Variants in BICC1 observed in about 807,000 individuals in gnomAD.
BICC1 encodes the protein BicC family RNA binding protein 1.
BICC1 carries 43 observed loss-of-function variants against 111.0 expected under a neutral mutation model. The ratio of observed to expected loss-of-function variants is 0.39; its 90% CI spans 0.30 to 0.50. The LOEUF (loss-of-function observed/expected upper bound fraction) is 0.50, where lower values mean the gene tolerates loss of function less well. Among genes scored for constraint, BICC1 ranks in the 20% least tolerant of loss-of-function variants. BICC1 has a pLI of 0.88. For missense variants in BICC1, 1,091 were observed against 1,203.2 expected (o/e 0.91, Z 1.38); for synonymous variants, 467 against 434.4 (o/e 1.07, Z -0.93).
At chr10:58,522,228 G>A (rs955475226) in intron 1 of BICC1, among the ~76,000 whole-genome samples, 2 of 151,844 alleles carry the variant, frequency 1.3e-5, no homozygotes, top group Non-Finnish European at 2.9e-5. Flanking sequence ...CTCCCATTAA[G>A]TTAGGCATAA....
At chr10:58,592,495 G>A (rs969077480) in intron 1 of BICC1, among the ~76,000 whole-genome samples, 3 of 152,034 alleles carry the variant, frequency 2.0e-5, no homozygotes, top group Non-Finnish European at 2.9e-5. Flanking sequence ...GGCGGATCAC[G>A]AGGTCAGGAG....
At chr10:58,605,825 C>T (rs955449273) in intron 1 of BICC1, among the ~76,000 whole-genome samples, 29 of 152,174 alleles carry the variant, frequency 1.9e-4, no homozygotes, top group Non-Finnish European at 4.0e-4. Context: ...GAATGTGGAG[C>T]GCTGACTCTC....
intron 3 of BICC1, among the ~76,000 whole-genome samples, chr10:58,752,993 A>T (rs764778143): frequency 6.6e-6 from 1 of 152,112 alleles, no homozygotes; most frequent in Non-Finnish European, 1.5e-5. Context: ...ACAACTTTGT[A>T]GCTGCATCTG....
intron 3 of BICC1, among the ~76,000 whole-genome samples, chr10:58,776,394 A>G (rs1394112163): frequency 6.6e-6 from 1 of 152,250 alleles, no homozygotes; most frequent in Non-Finnish European, 1.5e-5. Context: ...GGGACCTGTC[A>G]TGCACACTGT....
rs748986819 is a variant in BICC1 at position 58,513,292 on chromosome 10, G to A, written c.149G>A (p.Arg50His). The A allele has an allele frequency of 4.3e-6, 7 of 1,611,014 alleles. No individual in the cohort carries two copies. The highest frequency in any genetic ancestry group is 2.2e-5 in the South Asian group (2 of 90,726). ...CACAGCCCGGAGTGGAGCGAGGAGC[G>A]CTTCCGCGTGGACAGGAAGAAACTT... ...TLHSPEWSEERFRVDRKKLEA... is the reference protein window; with the variant it reads ...TLHSPEWSEEHFRVDRKKLEA... Residue 50 changes from arginine to histidine, a missense_variant, in exon 1 of 21, where the codon CGC becomes CAC. Transcript: ENST00000373886.
chr10:58,601,142 ATATATATATAT>A lies in BICC1; in HGVS notation c.191-19712_191-19702del, dbSNP rs1564506772. 2.1e-4 allele frequency among the ~76,000 whole-genome samples: 25 copies of A among 119,520 alleles called. 2 individuals are homozygous for A. Among genetic ancestry groups the A allele is most frequent in the Non-Finnish European group, 3.3e-4 (18 of 54,254 alleles). 78.4% of individuals were successfully genotyped at this position (119,520 alleles called of 152,430 possible). ...TTTTTAGGCAGTCATTTTAAAACTT[ATATATATATAT>A]ATATATATATATATATATCTCCCAA... On this transcript the variant is annotated intron_variant, in intron 1 of 20. Coordinates refer to ENST00000373886, the MANE Select transcript of BICC1 (RefSeq NM_001080512.3).
chr10:58,716,411 A>T (rs765624369), intron 3 of BICC1, among the ~76,000 whole-genome samples: 2 of 152,172 alleles, frequency 1.3e-5, no homozygotes, highest in African/African-American at 2.4e-5. Flanking sequence ...TTATTCCTGG[A>T]CTATTCAGTA....
chr10:58,745,128 T>C (rs535447419), intron 3 of BICC1, among the ~76,000 whole-genome samples: 3 of 152,284 alleles, frequency 2.0e-5, no homozygotes, highest in East Asian at 1.9e-4. Flanking sequence ...CTAAAGACTT[T>C]CCATCACAAA....
intron 3 of BICC1, among the ~76,000 whole-genome samples, chr10:58,768,720 G>A (rs1842528234): frequency 6.6e-6 from 1 of 151,956 alleles, no homozygotes; most frequent in South Asian, 2.1e-4. Flanking sequence ...AAAGTGTAGA[G>A]TTACCAGCTT....
At chr10:58,522,806 G>A (rs1415880374) in intron 1 of BICC1, among the ~76,000 whole-genome samples, 1 of 151,952 alleles carries the variant, frequency 6.6e-6, no homozygotes, top group African/African-American at 2.4e-5. Flanking sequence ...TAGACCGTTA[G>A]CAAGACTAAT....
chr10:58,683,215 G>A (rs1839595922), intron 2 of BICC1, among the ~76,000 whole-genome samples: 1 of 152,128 alleles, frequency 6.6e-6, no homozygotes. Flanking sequence ...TTATTTCTGA[G>A]GGTTCTGTTC....
chr10:58,802,956 T>A, intron 14 of BICC1, 121 bp from the exon 15 acceptor site: 1 of 974,042 alleles, frequency 1.0e-6, no homozygotes, highest in Non-Finnish European at 1.4e-6. Context: ...GAGGATTAAA[T>A]GAGAGACTAC....
intron 3 of BICC1, among the ~76,000 whole-genome samples, chr10:58,711,986 A>G (rs1840590373): frequency 6.6e-6 from 1 of 152,172 alleles, no homozygotes; most frequent in Admixed American, 6.5e-5. Context: ...AAAATATACA[A>G]AGAACTTTTT....
At chr10:58,651,573 T>C (rs1450736146) in intron 2 of BICC1, among the ~76,000 whole-genome samples, 1 of 152,132 alleles carries the variant, frequency 6.6e-6, no homozygotes, top group Non-Finnish European at 1.5e-5. Flanking sequence ...ATCCTAACCT[T>C]TGTTTTATTA....
intron 2 of BICC1, among the ~76,000 whole-genome samples, chr10:58,678,515 C>A (rs935846656): frequency 1.3e-5 from 2 of 152,150 alleles, no homozygotes; most frequent in African/African-American, 4.8e-5. Flanking sequence ...GCACCCAATA[C>A]AGGAGCACCC....
chr10:58,577,902 T>C (rs532950149), intron 1 of BICC1, among the ~76,000 whole-genome samples: 1 of 152,366 alleles, frequency 6.6e-6, no homozygotes, highest in South Asian at 2.1e-4. Flanking sequence ...TAGAGCAAGC[T>C]GTGTTTTTGC....
At chr10:58,660,527 CA>C (rs1838808415) in intron 2 of BICC1, among the ~76,000 whole-genome samples, 1 of 151,708 alleles carries the variant, frequency 6.6e-6, no homozygotes, top group Admixed American at 6.6e-5. Context: ...ACATTCTAAC[CA>C]AATACTTTAG....
chr10:58,737,738 C>T (rs535426094), intron 3 of BICC1, among the ~76,000 whole-genome samples: 1 of 152,314 alleles, frequency 6.6e-6, no homozygotes, highest in Non-Finnish European at 1.5e-5. Context: ...TCCACATCCT[C>T]CCCAGCACCT....
At chr10:58,538,368 T>C (rs1842878104) in intron 1 of BICC1, among the ~76,000 whole-genome samples, 1 of 151,792 alleles carries the variant, frequency 6.6e-6, no homozygotes, top group Non-Finnish European at 1.5e-5. Flanking sequence ...AAACATAAAT[T>C]GGGGAAAGGA....
Sources: gnomAD v4.1 joint callset for allele counts (sites outside exome capture counted in the v4.1 genomes callset) on GRCh38, gnomAD v4.1.1 for gene constraint, MANE v1.5 for transcripts, NCBI Gene and HGNC (gene_info 2026-07-23, HGNC 2026-07-21) for gene names.